Variants in PRKN observed in about 807,000 individuals in gnomAD.
The protein encoded by PRKN is parkin RBR E3 ubiquitin protein ligase.
PRKN carries 56 observed loss-of-function variants against 59.5 expected under a neutral mutation model. That is an observed-to-expected ratio of 0.94 (90% CI 0.76 to 1.18). The LOEUF (loss-of-function observed/expected upper bound fraction) is 1.18, where lower values mean the gene tolerates loss of function less well. Among genes scored for constraint, PRKN ranks in the 50% most tolerant of loss-of-function variants. The probability of loss-of-function intolerance (pLI) is 0.00; values close to 1 mark genes in which losing one functional copy is unlikely to be tolerated. For missense variants in PRKN, 657 were observed against 596.4 expected, an observed-to-expected ratio of 1.10 and a Z score of -1.06; for synonymous variants, 250 against 222.1, an observed-to-expected ratio of 1.13 and a Z score of -1.12.
intron 1 of PRKN, among the ~76,000 whole-genome samples, chr6:162,570,655 C>A (rs1780284583): frequency 6.6e-6 from 1 of 152,074 alleles, no homozygotes; most frequent in African/African-American, 2.4e-5. Context: ...AGAGTGAGAG[C>A]CAGTCATTTG....
chr6:162,678,360 C>G (rs1584033308), intron 1 of PRKN, among the ~76,000 whole-genome samples: 1 of 152,168 alleles, frequency 6.6e-6, no homozygotes, highest in Non-Finnish European at 1.5e-5. Context: ...GTATATTTCA[C>G]TATATAAGAC....
intron 7 of PRKN, among the ~76,000 whole-genome samples, chr6:161,702,308 T>C (rs1786285416): frequency 6.6e-6 from 1 of 152,188 alleles, no homozygotes; most frequent in Non-Finnish European, 1.5e-5. Context: ...CACTGATGAA[T>C]GACTGGATCT....
In PRKN at chr6:162,462,495, T is replaced by C. The variant is rs139267231; in HGVS notation, c.8-19022A>G. ...CTTTTATAACCAAGGTGTGTGTGTA[T>C]GTGTATGGTGTGTATACATGTGTGG... On this transcript the variant is annotated intron_variant, in intron 1 of 11. Coordinates refer to ENST00000366898, the MANE Select transcript of PRKN (RefSeq NM_004562.3). 6.5e-3 allele frequency among the ~76,000 whole-genome samples: 996 copies of C among 152,248 alleles called. 9 individuals are homozygous for C. Among genetic ancestry groups the C allele is most frequent in the South Asian group, 0.018 (87 of 4,824 alleles).
chr6:161,490,828 G>C (rs1777528859), intron 9 of PRKN, among the ~76,000 whole-genome samples: 1 of 152,092 alleles, frequency 6.6e-6, no homozygotes, highest in Non-Finnish European at 1.5e-5. Flanking sequence ...CATCCCATCG[G>C]TGCTGTTCTC....
Position 161,596,627 on chromosome 6 carries a change from A to C in PRKN, c.872-27211T>G, listed in dbSNP as rs549113051. On this transcript the variant is annotated intron_variant, in intron 7 of 11. Transcript: ENST00000366898. ...CCCCTAGGAACATTTAGCACACACA[A>C]AAAAAGCCTACTAAATCCCTTCCTG... Among the ~76,000 whole-genome samples, 8 of 152,246 alleles carry C rather than the reference A, an allele frequency of 5.3e-5. No homozygotes were observed. The South Asian group carries it at 6.2e-4, about 12-fold the overall frequency.
chr6:162,454,793 A>G (rs1338694160), intron 1 of PRKN, among the ~76,000 whole-genome samples: 1 of 152,176 alleles, frequency 6.6e-6, no homozygotes, highest in East Asian at 1.9e-4. Context: ...AATACACTCA[A>G]TCTCCCCCAC....
chr6:161,567,455 T>C (rs1276963386), intron 8 of PRKN, among the ~76,000 whole-genome samples: 1 of 152,170 alleles, frequency 6.6e-6, no homozygotes, highest in Non-Finnish European at 1.5e-5. Flanking sequence ...AAGTAGAATA[T>C]GGAGATTTTT....
intron 1 of PRKN, among the ~76,000 whole-genome samples, chr6:162,677,483 A>C (rs944148337): frequency 5.0e-4 from 75 of 150,974 alleles, no homozygotes; most frequent in African/African-American, 1.7e-3. Flanking sequence ...AAAAAAAAAA[A>C]AAAAACACTC....
At chr6:161,415,145 C>G (rs998756040) in intron 9 of PRKN, among the ~76,000 whole-genome samples, 2 of 152,112 alleles carry the variant, frequency 1.3e-5, no homozygotes, top group Non-Finnish European at 2.9e-5. Context: ...CAGAATAACA[C>G]CGGAGAGGGG....
At chr6:161,590,848 C>A (rs1231558873) in intron 7 of PRKN, among the ~76,000 whole-genome samples, 1 of 152,022 alleles carries the variant, frequency 6.6e-6, no homozygotes, top group Non-Finnish European at 1.5e-5. Context: ...AAAAATTCCA[C>A]AGTCATAATA....
chr6:162,289,147 C>T (rs1197295522), intron 2 of PRKN, among the ~76,000 whole-genome samples: 1 of 149,586 alleles, frequency 6.7e-6, no homozygotes, highest in African/African-American at 2.4e-5. Context: ...AAGGCATCGG[C>T]AGGGCTGGTT....
intron 9 of PRKN, among the ~76,000 whole-genome samples, chr6:161,455,199 C>T (rs1328644781): frequency 6.6e-6 from 1 of 151,908 alleles, no homozygotes; most frequent in African/African-American, 2.4e-5. Context: ...CCACCATGCC[C>T]GACTAATTTT....
At chr6:161,743,364 C>T (rs781096806) in intron 7 of PRKN, among the ~76,000 whole-genome samples, 6 of 150,296 alleles carry the variant, frequency 4.0e-5, no homozygotes, top group Non-Finnish European at 7.4e-5. Context: ...GGACTACAGG[C>T]GCCCGCCACC....
chr6:161,801,838 T>C (rs1791096842), intron 6 of PRKN, among the ~76,000 whole-genome samples: 1 of 152,126 alleles, frequency 6.6e-6, no homozygotes, highest in African/African-American at 2.4e-5. Flanking sequence ...CAATGGGATG[T>C]AATGAAGGGA....
At chr6:161,879,246 A>C (rs528745861) in intron 6 of PRKN, among the ~76,000 whole-genome samples, 1 of 151,704 alleles carries the variant, frequency 6.6e-6, no homozygotes, top group Non-Finnish European at 1.5e-5. Context: ...TTGAGCTCAC[A>C]CTTTTACCCT....
chr6:161,524,228 C>T (rs1285073685), intron 9 of PRKN, among the ~76,000 whole-genome samples: 1 of 152,146 alleles, frequency 6.6e-6, no homozygotes, highest in Non-Finnish European at 1.5e-5. Flanking sequence ...CTTGTATTTC[C>T]AGCACCCATG....
chr6:162,375,512 A>G (rs2128138581), intron 2 of PRKN, among the ~76,000 whole-genome samples: 1 of 151,974 alleles, frequency 6.6e-6, no homozygotes, highest in South Asian at 2.1e-4. Context: ...ATGTTGTTTC[A>G]GGATACTTAA....
Position 161,348,538 on chromosome 6 carries a change from G to T in PRKN, c.*1561C>A, listed in dbSNP as rs1784413458. 1 of 208,874 alleles carries T rather than the reference G, an allele frequency of 4.8e-6. No homozygotes were observed. The highest frequency in any genetic ancestry group is 1.9e-4 in the South Asian group (1 of 5,342). The allele number at this position is 208,874 out of a possible 1,614,324, so 12.9% of individuals were successfully genotyped here. On this transcript the variant is annotated 3_prime_UTR_variant, in exon 12 of 12. Transcript: ENST00000366898. This position sits in a 1 kb window ranked among gnomAD's most constrained non-coding sequence, Gnocchi z 4.9. ...GAGACGACGGGACTGTCCTCAGATG[G>T]TTGGAAGAAATGGGTTATCTTAGGC...
Position 161,376,729 on chromosome 6 carries a change from A to T in PRKN, c.1167+10065T>A, listed in dbSNP as rs1785721826. Among the ~76,000 whole-genome samples, 1 of 152,102 alleles carries T rather than the reference A, an allele frequency of 6.6e-6. No individual in the cohort carries two copies. Among genetic ancestry groups the T allele is most frequent in the Admixed American group, 6.5e-5 (1 of 15,276 alleles). The stretch of plus-strand genomic sequence containing the variant: ...TAGCCTCCTACCTCTGGCTCCCCTC[A>T]GTCTTCTGTGGCAACCGCACTGCAG... On this transcript the variant is annotated intron_variant, in intron 10 of 11. Transcript: ENST00000366898. The surrounding 1 kb of genome is among the most constrained non-coding windows in gnomAD (Gnocchi z 7.3).
Sources: allele counts gnomAD v4.1 joint callset (sites outside exome capture counted in the v4.1 genomes callset), GRCh38; gene constraint gnomAD v4.1.1; non-coding constraint Gnocchi (gnomAD v3.1); transcripts MANE v1.5; gene names NCBI Gene and HGNC (gene_info 2026-07-23, HGNC 2026-07-21).